The following ATP8B4 variants were observed in gnomAD, a reference collection of about 807,000 sequenced individuals.
ATP8B4 encodes ATPase phospholipid transporting 8B4 (putative), also known as probable phospholipid-transporting ATPase IM.
A neutral mutation model predicts 145.6 loss-of-function variants in ATP8B4; 133 were observed. That is an observed-to-expected ratio of 0.91 (90% CI 0.79 to 1.05). ATP8B4 has a LOEUF of 1.05. Among genes scored for constraint, ATP8B4 ranks in the 50% least tolerant of loss-of-function variants. The probability of loss-of-function intolerance (pLI) is 0.00; values close to 1 mark genes in which losing one functional copy is unlikely to be tolerated. For synonymous variants in ATP8B4, 507 were observed against 492.9 expected, an observed-to-expected ratio of 1.03 and a Z score of -0.38; for missense variants, 1,458 against 1,425.2, an observed-to-expected ratio of 1.02 and a Z score of -0.37.
intron 14 of ATP8B4, among the ~76,000 whole-genome samples, chr15:49,953,976 T>C (rs35236500): frequency 7.8e-4 from 118 of 152,174 alleles, no homozygotes; most frequent in Non-Finnish European, 1.5e-3. Flanking sequence ...CACACTGCTC[T>C]TCCTTCTCTC....
intron 8 of ATP8B4, among the ~76,000 whole-genome samples, chr15:49,999,503 G>C (rs979654404): frequency 1.3e-5 from 2 of 151,786 alleles, no homozygotes; most frequent in Non-Finnish European, 2.9e-5. Flanking sequence ...CCTGCACATT[G>C]TGCACATGTA....
chr15:50,112,728 A>C (rs1331658450), intron 1 of ATP8B4, among the ~76,000 whole-genome samples: 1 of 152,058 alleles, frequency 6.6e-6, no homozygotes, highest in Non-Finnish European at 1.5e-5. Flanking sequence ...TGTGAGGTTA[A>C]GTACACAGGT....
At chr15:49,914,026 C>T (rs1199367615) in intron 20 of ATP8B4, among the ~76,000 whole-genome samples, 1 of 152,074 alleles carries the variant, frequency 6.6e-6, no homozygotes, top group African/African-American at 2.4e-5. Flanking sequence ...CCAAAGCAAT[C>T]CTGACCAAAA....
At chr15:50,104,302 A>G (rs1480741923) in intron 2 of ATP8B4, among the ~76,000 whole-genome samples, 1 of 152,062 alleles carries the variant, frequency 6.6e-6, no homozygotes, top group African/African-American at 2.4e-5. Context: ...CCCACAGTGT[A>G]GGAGAAAAAT....
chr15:49,951,150 G>A (rs112795474), intron 14 of ATP8B4, among the ~76,000 whole-genome samples: 240 of 152,252 alleles, frequency 1.6e-3, no homozygotes, highest in African/African-American at 5.4e-3. Flanking sequence ...GTGCCATGTG[G>A]CACTAAGAAG....
chr15:50,009,256 T>C (rs2048541018), intron 7 of ATP8B4: 1 of 152,972 alleles, frequency 6.5e-6, no homozygotes, highest in Non-Finnish European at 1.5e-5. Context: ...TTTTTGTAAA[T>C]TTATATCTAC....
chr15:50,137,344 C>T (rs1160258037), intron 1 of ATP8B4, among the ~76,000 whole-genome samples: 3 of 152,122 alleles, frequency 2.0e-5, no homozygotes, highest in Non-Finnish European at 2.9e-5. Flanking sequence ...CCATGTTAGC[C>T]GGCACATTCT....
chr15:49,912,283 C>T (rs908890244), intron 20 of ATP8B4, among the ~76,000 whole-genome samples: 5 of 151,754 alleles, frequency 3.3e-5, no homozygotes, highest in Admixed American at 2.6e-4. Flanking sequence ...TTTAGCTAGA[C>T]TAACCAAGAA....
chr15:49,933,963 C>T, intron 15 of ATP8B4, 54 bp downstream of exon 15: 3 of 1,454,852 alleles, frequency 2.1e-6, no homozygotes, highest in Non-Finnish European at 2.7e-6. Flanking sequence ...GTGTCAGTTT[C>T]AATTTTAAAA....
At chr15:49,989,991 A>G (rs190172720) in intron 9 of ATP8B4, among the ~76,000 whole-genome samples, 31 of 152,304 alleles carry the variant, frequency 2.0e-4, no homozygotes, top group Admixed American at 5.9e-4. Flanking sequence ...AGAGGTTAAG[A>G]GATGAGATGG....
At chr15:50,021,847 T>C (rs1011205838) in intron 6 of ATP8B4, among the ~76,000 whole-genome samples, 1 of 152,128 alleles carries the variant, frequency 6.6e-6, no homozygotes, top group Non-Finnish European at 1.5e-5. Context: ...TACATATTGG[T>C]GAAGGAATAT....
At chr15:50,130,805 G>C (rs2057340940) in intron 1 of ATP8B4, among the ~76,000 whole-genome samples, 1 of 151,986 alleles carries the variant, frequency 6.6e-6, no homozygotes, top group African/African-American at 2.4e-5. Flanking sequence ...AAATAAATAA[G>C]AGTCTTGGAT....
intron 14 of ATP8B4, among the ~76,000 whole-genome samples, chr15:49,935,526 T>C (rs1487290966): frequency 1.3e-5 from 2 of 152,142 alleles, no homozygotes; most frequent in East Asian, 3.9e-4. Context: ...TAAGTACTTT[T>C]AATGTTTTCA....
intron 24 of ATP8B4, 66 bp from the exon 25 acceptor site, chr15:49,876,589 A>G (rs564195342): frequency 8.8e-5 from 140 of 1,589,500 alleles, no homozygotes; most frequent in Non-Finnish European, 1.2e-4. Flanking sequence ...TGTATTCCCT[A>G]TCTTCAGAAA....
intron 2 of ATP8B4, among the ~76,000 whole-genome samples, chr15:50,086,822 AAAT>A (rs1361576390): frequency 2.7e-5 from 2 of 72,744 alleles, no homozygotes; most frequent in Non-Finnish European, 4.6e-5. Flanking sequence ...ATATATAATA[AAAT>A]AATAGAGATC....
intron 1 of ATP8B4, among the ~76,000 whole-genome samples, chr15:50,154,870 T>A (rs979700175): frequency 1.3e-5 from 2 of 152,098 alleles, no homozygotes; most frequent in Admixed American, 6.6e-5. Flanking sequence ...GAGACAGGGT[T>A]TCACCATGTT....
At position 49,987,518 on chromosome 15, in the gene ATP8B4, CTTG is replaced by C; in HGVS notation, c.618_620del (p.Asn206del). The C allele has an allele frequency of 3.1e-6, 5 of 1,613,684 alleles. No individual in the cohort carries two copies. The highest frequency in any genetic ancestry group is 4.2e-6 in the Non-Finnish European group (5 of 1,179,762). On this transcript the variant is annotated inframe_deletion, in exon 10 of 28. Coordinates refer to ENST00000284509, the MANE Select transcript of ATP8B4 (RefSeq NM_024837.4). ...AAAGGATTCCCATGAATTTATCTAA[CTTG>C]TTGTTAGGCACCTCACAGACAACAA...
At chr15:49,917,085 C>T (rs2039814485) in intron 19 of ATP8B4, 46 bp from the exon 20 acceptor site, 3 of 1,569,544 alleles carry the variant, frequency 1.9e-6, no homozygotes, top group African/African-American at 1.4e-5. Context: ...TACTTAATAA[C>T]CTAAGTCCAT....
intron 14 of ATP8B4, among the ~76,000 whole-genome samples, chr15:49,950,160 T>A (rs993001099): frequency 8.5e-5 from 13 of 152,330 alleles, no homozygotes; most frequent in South Asian, 2.1e-4. Flanking sequence ...GGTATCAGGA[T>A]GATGCTGGCT....
Sources: gnomAD v4.1 joint callset for allele counts (sites outside exome capture counted in the v4.1 genomes callset) on GRCh38, gnomAD v4.1.1 for gene constraint, MANE v1.5 for transcripts, NCBI Gene and HGNC (gene_info 2026-07-23, HGNC 2026-07-21) for gene names.